Variants in MIS18A observed in about 807,000 individuals in gnomAD.
MIS18A encodes MIS18 kinetochore protein A.
A neutral mutation model predicts 25.0 loss-of-function variants in MIS18A; 14 were observed. The ratio of observed to expected loss-of-function variants is 0.56; its 90% CI spans 0.37 to 0.88. MIS18A has a LOEUF of 0.88. MIS18A is among the 40% of genes least tolerant of loss of function. The pLI, the probability that MIS18A is intolerant of heterozygous loss-of-function variation, is 0.00. For missense variants in MIS18A, 292 were observed against 290.8 expected (o/e 1.00, Z -0.03); for synonymous variants, 134 against 118.6 (o/e 1.13, Z -0.84).
At chr21:32,210,194 T>C in the MIS18A span, among the ~76,000 whole-genome samples, 1 of 152,232 alleles carries the variant, frequency 6.6e-6, no homozygotes, top group Admixed American at 6.5e-5. Flanking sequence ...TAACCTTTTC[T>C]TGCCTGTTTC....
At chr21:32,241,641 G>A in the MIS18A span, among the ~76,000 whole-genome samples, 1 of 152,314 alleles carries the variant, frequency 6.6e-6, no homozygotes, top group East Asian at 1.9e-4. Flanking sequence ...CATCAGAGAA[G>A]GAACTAGGGC....
At chr21:32,193,174 G>A in the MIS18A span, among the ~76,000 whole-genome samples, 7 of 152,130 alleles carry the variant, frequency 4.6e-5, no homozygotes, top group Admixed American at 1.3e-4. Flanking sequence ...GACAGGCAGC[G>A]CAGCAAGAGG....
At chr21:32,192,430 C>T in the MIS18A span, among the ~76,000 whole-genome samples, 5 of 152,222 alleles carry the variant, frequency 3.3e-5, no homozygotes, top group African/African-American at 1.2e-4. Flanking sequence ...TTGTATCTGT[C>T]CCCCACTCCC....
the MIS18A span, among the ~76,000 whole-genome samples, chr21:32,168,415 A>G: frequency 6.6e-6 from 1 of 152,248 alleles, no homozygotes; most frequent in Non-Finnish European, 1.5e-5. Flanking sequence ...AGTTTTTCTA[A>G]TGTCTACCAG....
chr21:32,226,280 T>TA, the MIS18A span, among the ~76,000 whole-genome samples: 35,099 of 131,248 alleles, frequency 0.27, 4,263 homozygotes, highest in Admixed American at 0.29. Flanking sequence ...TAAAGTATAA[T>TA]AAAAAAAAAA....
At chr21:32,213,456 T>G in the MIS18A span, among the ~76,000 whole-genome samples, 1 of 152,254 alleles carries the variant, frequency 6.6e-6, no homozygotes, top group African/African-American at 2.4e-5. Flanking sequence ...GTGTACTTTA[T>G]GTACATATAT....
At chr21:32,176,770 C>A in the MIS18A span, among the ~76,000 whole-genome samples, 1 of 148,832 alleles carries the variant, frequency 6.7e-6, no homozygotes, top group African/African-American at 2.5e-5. Flanking sequence ...AACTGAATAT[C>A]AACAAGGCAA....
At chr21:32,193,466 TGATAGATAGATAGGTAGATA>T in the MIS18A span, among the ~76,000 whole-genome samples, 27 of 142,458 alleles carry the variant, frequency 1.9e-4, no homozygotes, top group South Asian at 9.4e-4. Context: ...AATAGGTTGA[TGATAGATAGATAGGTAGATA>T]GATAGATAGA....
At chr21:32,215,351 T>G in the MIS18A span, among the ~76,000 whole-genome samples, 1 of 152,168 alleles carries the variant, frequency 6.6e-6, no homozygotes, top group African/African-American at 2.4e-5. Flanking sequence ...GGGAAACATT[T>G]GGGAGAGATC....
At chr21:32,182,734 A>C in the MIS18A span, among the ~76,000 whole-genome samples, 1 of 152,192 alleles carries the variant, frequency 6.6e-6, no homozygotes, top group Non-Finnish European at 1.5e-5. Flanking sequence ...GCAGAAACCC[A>C]CAGTGTGAAG....
the MIS18A span, among the ~76,000 whole-genome samples, chr21:32,203,487 T>C: frequency 2.1e-5 from 3 of 144,744 alleles, no homozygotes; most frequent in African/African-American, 7.7e-5. Flanking sequence ...AATACCATCC[T>C]TGGGAGCTTA....
chr21:32,196,655 C>T, the MIS18A span, among the ~76,000 whole-genome samples: 2 of 152,004 alleles, frequency 1.3e-5, no homozygotes, highest in African/African-American at 2.4e-5. Context: ...GGTTTTGCCA[C>T]GTTGGCCAGG....
At chr21:32,227,800 C>A in the MIS18A span, among the ~76,000 whole-genome samples, 1 of 152,140 alleles carries the variant, frequency 6.6e-6, no homozygotes, top group African/African-American at 2.4e-5. Flanking sequence ...AACTTCTGAA[C>A]ATACTATTAG....
At chr21:32,202,001 C>A in the MIS18A span, among the ~76,000 whole-genome samples, 1 of 151,984 alleles carries the variant, frequency 6.6e-6, no homozygotes, top group Non-Finnish European at 1.5e-5. Flanking sequence ...AATAAAGAAA[C>A]CCTGAGGCCA....
chr21:32,197,241 T>C, the MIS18A span, among the ~76,000 whole-genome samples: 1 of 152,172 alleles, frequency 6.6e-6, no homozygotes, highest in East Asian at 1.9e-4. Context: ...TCTGTCCTTA[T>C]TAGGTCAAAA....
chr21:32,254,047 C>T, the MIS18A span, among the ~76,000 whole-genome samples: 2 of 151,294 alleles, frequency 1.3e-5, no homozygotes, highest in South Asian at 4.2e-4. Context: ...CCAGCCTGTC[C>T]AATATGGTGA....
chr21:32,164,557 C>T, the MIS18A span, among the ~76,000 whole-genome samples: 15 of 152,056 alleles, frequency 9.9e-5, no homozygotes, highest in South Asian at 1.9e-3. Context: ...TTCTGTACAA[C>T]GCCAACTTAA....
the MIS18A span, among the ~76,000 whole-genome samples, chr21:32,190,386 T>G: frequency 1.3e-5 from 2 of 152,216 alleles, no homozygotes; most frequent in Non-Finnish European, 2.9e-5. Flanking sequence ...AACCTTTGTC[T>G]GTGTTTTGAG....
chr21:32,204,209 A>G, the MIS18A span, among the ~76,000 whole-genome samples: 2 of 152,168 alleles, frequency 1.3e-5, no homozygotes, highest in Non-Finnish European at 2.9e-5. Context: ...GCAAATGAAA[A>G]AAAGGAAGGC....
Sources: allele counts gnomAD v4.1 joint callset (sites outside exome capture counted in the v4.1 genomes callset), GRCh38; gene constraint gnomAD v4.1.1; transcripts MANE v1.5; gene names NCBI Gene and HGNC (gene_info 2026-07-23, HGNC 2026-07-21).